Variants in CALD1 observed in about 807,000 individuals in gnomAD.
The protein encoded by CALD1 is caldesmon.
CALD1 carries 33 observed loss-of-function variants against 99.9 expected under a neutral mutation model. The observed-to-expected ratio is 0.33, with a 90% CI of 0.25 to 0.44. CALD1 has a LOEUF of 0.44. Ranked by LOEUF, CALD1 falls within the 20% of genes least tolerant of loss-of-function variation. CALD1 has a pLI of 1.00. For missense variants in CALD1, 861 were observed against 962.1 expected, an observed-to-expected ratio of 0.89 and a Z score of 1.39; for synonymous variants, 310 against 325.0, an observed-to-expected ratio of 0.95 and a Z score of 0.50.
chr7:134,885,609 C>A (rs148396159), intron 3 of CALD1, among the ~76,000 whole-genome samples: 2 of 152,186 alleles, frequency 1.3e-5, no homozygotes, highest in Non-Finnish European at 2.9e-5. Context: ...AAGAGTGGTA[C>A]ACACTGAGAA....
intron 3 of CALD1, among the ~76,000 whole-genome samples, chr7:134,898,915 A>G (rs7776948): frequency 0.76 from 115,095 of 152,158 alleles, 43,895 homozygotes; most frequent in East Asian, 0.99. Flanking sequence ...TAAGTCATGA[A>G]CCTATTTGTA....
intron 3 of CALD1, among the ~76,000 whole-genome samples, chr7:134,893,086 C>G (rs1280146902): frequency 6.6e-6 from 1 of 152,294 alleles, no homozygotes; most frequent in African/African-American, 2.4e-5. Flanking sequence ...CTGTCTCTCT[C>G]TCAACTCATG....
At chr7:134,820,566 G>A (rs562704602) in intron 1 of CALD1, among the ~76,000 whole-genome samples, 1 of 152,312 alleles carries the variant, frequency 6.6e-6, no homozygotes, top group Non-Finnish European at 1.5e-5. Flanking sequence ...CATTTTCACT[G>A]TTCCTGGAAG....
chr7:134,942,494 G>A (rs79949675), intron 7 of CALD1, among the ~76,000 whole-genome samples: 15 of 152,224 alleles, frequency 9.9e-5, no homozygotes, highest in Non-Finnish European at 2.1e-4. Flanking sequence ...AATGATGAAG[G>A]TGTAAGAAAG....
intron 3 of CALD1, among the ~76,000 whole-genome samples, chr7:134,888,916 G>T (rs1802010193): frequency 1.3e-5 from 2 of 152,200 alleles, no homozygotes; most frequent in African/African-American, 4.8e-5. Context: ...TTCTGCACAT[G>T]AGTGGAAGAC....
upstream of CALD1, among the ~76,000 whole-genome samples, chr7:134,777,707 C>T (rs559711141): frequency 1.1e-4 from 17 of 152,266 alleles, 1 homozygote; most frequent in African/African-American, 3.9e-4. Context: ...ATCATGCACC[C>T]GGAACGTCTC....
At chr7:134,758,267 T>C (rs772461007) in intron 1 of CALD1, among the ~76,000 whole-genome samples, 1 of 152,242 alleles carries the variant, frequency 6.6e-6, no homozygotes, top group Non-Finnish European at 1.5e-5. Context: ...GGGACTTTCT[T>C]GTTGAACCAT....
intron 2 of CALD1, among the ~76,000 whole-genome samples, chr7:134,850,451 A>T (rs1586105388): frequency 6.6e-6 from 1 of 152,164 alleles, no homozygotes; most frequent in East Asian, 1.9e-4. Context: ...CCAATGACTC[A>T]CCTTCTCTGG....
chr7:134,955,363 G>A (rs1807686100), intron 9 of CALD1, among the ~76,000 whole-genome samples: 1 of 152,178 alleles, frequency 6.6e-6, no homozygotes, highest in Non-Finnish European at 1.5e-5. Flanking sequence ...ACTCCATCCT[G>A]GCAACAGAGT....
At chr7:134,801,198 T>C (rs943479704) in intron 1 of CALD1, among the ~76,000 whole-genome samples, 1 of 152,184 alleles carries the variant, frequency 6.6e-6, no homozygotes, top group Non-Finnish European at 1.5e-5. Context: ...TAGAGAATAT[T>C]TCTATTAACA....
chr7:134,775,579 C>T (rs7802972), upstream of CALD1, among the ~76,000 whole-genome samples: 86,676 of 151,816 alleles, frequency 0.57, 25,685 homozygotes, highest in East Asian at 0.9. Context: ...GGCGTGGTGG[C>T]GAGCACCTGT....
rs772317655 is a variant in CALD1 at position 134,933,377 on chromosome 7, T to C, written c.608T>C (p.Ile203Thr). Residue 203 changes from isoleucine to threonine, a missense_variant, in exon 5 of 15, where the codon ATT becomes ACT. Coordinates refer to ENST00000361675, the MANE Select transcript of CALD1 (RefSeq NM_033138.4). ...GAGGAGAAGCCAAAGCGAGGGAGCA[T>C]TGGAGAAAATCAGGTAGAGGTGATG... ...EEEEKPKRGSIGENQVEVMVE... is the reference protein window; with the variant it reads ...EEEEKPKRGSTGENQVEVMVE... 8.7e-6 allele frequency: 14 copies of C among 1,609,174 alleles called. No homozygotes were observed. The highest frequency in any genetic ancestry group is 3.3e-4 in the Middle Eastern group (2 of 6,052).
chr7:134,769,236 T>G (rs1782859700), intron 1 of CALD1, among the ~76,000 whole-genome samples: 3 of 152,118 alleles, frequency 2.0e-5, no homozygotes. Context: ...ACATGTCTCT[T>G]GGCTTAAGAG....
At chr7:134,740,224 A>C (rs1796581663), upstream of CALD1, among the ~76,000 whole-genome samples, 2 of 152,196 alleles carry the variant, frequency 1.3e-5, 1 homozygote, top group South Asian at 4.1e-4. Flanking sequence ...TTTGGTCAAC[A>C]TTTGAATCAG....
the CALD1 span, among the ~76,000 whole-genome samples, chr7:134,732,378 A>G: frequency 6.6e-6 from 1 of 152,226 alleles, no homozygotes; most frequent in Non-Finnish European, 1.5e-5. Flanking sequence ...ACAATCACCA[A>G]TATGATAGTA....
rs1276021862 is a variant in CALD1, at chr7:134,874,900, T to C, written c.71+7096T>C. Among the ~76,000 whole-genome samples the C allele has an allele frequency of 4.6e-5, 7 of 152,168 alleles. 1 individual carries two copies. Among genetic ancestry groups the C allele is most frequent in the African/African-American group, 1.7e-4 (7 of 41,440 alleles). ...ACTGAGACTTTTTTACATGATTTAATAGAAACAGCCAATGAATGATTATAC... is the reference window on the plus strand; with the variant it reads ...ACTGAGACTTTTTTACATGATTTAACAGAAACAGCCAATGAATGATTATAC... On this transcript the variant is annotated intron_variant, in intron 3 of 14. Coordinates refer to ENST00000361675, the MANE Select transcript of CALD1 (RefSeq NM_033138.4).
In CALD1 at chr7:134,844,695, A is replaced by T. The variant is rs567097736; in HGVS notation, c.-42+724A>T. ...AACAACAGAGATTTCTTTTCTCACC[A>T]TTCTGGAGGGTAGAAGTCTGAGATC... is the stretch of plus-strand genomic sequence containing the variant. On this transcript the variant is annotated intron_variant, in intron 2 of 14. Coordinates refer to ENST00000361675, the MANE Select transcript of CALD1 (RefSeq NM_033138.4). 4.6e-5 allele frequency among the ~76,000 whole-genome samples: 7 copies of T among 152,318 alleles called. 1 individual carries two copies. In the South Asian group the frequency reaches 1.2e-3, roughly 27 times the overall value.
At chr7:134,864,705 C>T (rs567743804) in intron 2 of CALD1, among the ~76,000 whole-genome samples, 5 of 152,262 alleles carry the variant, frequency 3.3e-5, no homozygotes, top group African/African-American at 4.8e-5. Context: ...TGGCCTGAAA[C>T]CTTTAACACT....
chr7:134,956,824 C>G lies in CALD1; in HGVS notation c.1936-1245C>G, dbSNP rs17168133. ...GTCATAAGCAAAGAAGGTATTTGCT[C>G]ATGGTATTGATAGGTGATGGGTGGT... On this transcript the variant is annotated intron_variant, in intron 9 of 14. Transcript: ENST00000361675. Among the ~76,000 whole-genome samples the G allele has an allele frequency of 4.6e-3, 707 of 152,238 alleles. 6 individuals are homozygous for G. The highest frequency in any genetic ancestry group is 0.016 in the African/African-American group (677 of 41,560).
Sources: allele counts gnomAD v4.1 joint callset (sites outside exome capture counted in the v4.1 genomes callset), GRCh38; gene constraint gnomAD v4.1.1; transcripts MANE v1.5; gene names NCBI Gene and HGNC (gene_info 2026-07-23, HGNC 2026-07-21).